The following RSU1 variants were observed in gnomAD, a reference collection of about 807,000 sequenced individuals.
RSU1 encodes Ras suppressor protein 1.
In RSU1, 26 loss-of-function variants were observed where a neutral mutation model predicts 31.1. The ratio of observed to expected loss-of-function variants is 0.84; its 90% confidence interval spans 0.61 to 1.16. RSU1 has a LOEUF of 1.16. Among genes scored for constraint, RSU1 ranks in the 50% most tolerant of loss-of-function variants. The pLI is 0.00. For synonymous variants in RSU1, 164 were observed against 136.3 expected, an observed-to-expected ratio of 1.20 and a Z score of -1.41; for missense variants, 320 against 339.1, an observed-to-expected ratio of 0.94 and a Z score of 0.44.
intron 4 of RSU1, among the ~76,000 whole-genome samples, chr10:16,756,657 A>G (rs1017360569): frequency 6.6e-6 from 1 of 152,236 alleles, no homozygotes; most frequent in Non-Finnish European, 1.5e-5. Flanking sequence ...TTCATCAACT[A>G]TTTCTAGTTT....
At chr10:16,708,881 C>A (rs999629299) in intron 7 of RSU1, among the ~76,000 whole-genome samples, 8 of 151,406 alleles carry the variant, frequency 5.3e-5, no homozygotes, top group African/African-American at 1.9e-4. Flanking sequence ...AGTTAATGAA[C>A]CAATATTAAT....
rs571602584 is a variant in RSU1 at position 16,604,312 on chromosome 10, A to G, written c.732-10816T>C. On this transcript the variant is annotated intron_variant, in intron 8 of 8. Coordinates refer to ENST00000345264, the MANE Select transcript of RSU1 (RefSeq NM_012425.4). ...ACCAGTGCGCCTCGACTATAAGCAG[A>G]CCAGGGATATCAGCAAAGCTGGAGA... 3.9e-5 allele frequency among the ~76,000 whole-genome samples: 6 copies of G among 152,332 alleles called. No individual in the cohort carries two copies. In the South Asian group the frequency reaches 1.2e-3, roughly 32 times the overall value.
intron 4 of RSU1, among the ~76,000 whole-genome samples, chr10:16,761,212 G>A (rs1837206710): frequency 6.6e-6 from 1 of 152,150 alleles, no homozygotes; most frequent in African/African-American, 2.4e-5. Flanking sequence ...CAAACTTCTG[G>A]AACTATAGCT....
intron 3 of RSU1, among the ~76,000 whole-genome samples, chr10:16,768,034 G>A (rs1837349770): frequency 6.6e-6 from 1 of 152,204 alleles, no homozygotes; most frequent in African/African-American, 2.4e-5. Context: ...GGATGCATGA[G>A]CAAGAAGCAT....
intron 8 of RSU1, among the ~76,000 whole-genome samples, chr10:16,692,303 G>C (rs1835574749): frequency 6.6e-6 from 1 of 152,106 alleles, no homozygotes; most frequent in Admixed American, 6.5e-5. Flanking sequence ...GTGATTAATT[G>C]CCTAATAATT....
chr10:16,632,242 T>C (rs1343392103), intron 8 of RSU1, among the ~76,000 whole-genome samples: 1 of 152,154 alleles, frequency 6.6e-6, no homozygotes, highest in African/African-American at 2.4e-5. Flanking sequence ...CAAACCCCTA[T>C]GAAGCAATAA....
At position 16,621,659 on chromosome 10, in the gene RSU1, G is replaced by A. The variant is rs140049112; in HGVS notation, c.732-28163C>T. Among the ~76,000 whole-genome samples the A allele has an allele frequency of 4.9e-4, 74 of 152,206 alleles. No homozygotes were observed. In the Middle Eastern group the frequency reaches 0.031, roughly 63 times the overall value. ...GGAGCAAAGGCACATCTTACATGGC[G>A]GCAGGCAAGAAAGCTTGTGCTGGGG... On this transcript the variant is annotated intron_variant, in intron 8 of 8. Coordinates refer to ENST00000345264, the MANE Select transcript of RSU1 (RefSeq NM_012425.4).
At chr10:16,800,491 A>C (rs527550027) in intron 2 of RSU1, among the ~76,000 whole-genome samples, 33 of 152,358 alleles carry the variant, frequency 2.2e-4, no homozygotes, top group African/African-American at 7.7e-4. Flanking sequence ...TCAAGGAAAG[A>C]ATCAGTGATC....
At chr10:16,786,253 G>T (rs1837789727) in intron 2 of RSU1, among the ~76,000 whole-genome samples, 1 of 152,200 alleles carries the variant, frequency 6.6e-6, no homozygotes, top group African/African-American at 2.4e-5. Context: ...TGGCTTTGCA[G>T]CTTGCTATTT....
intron 8 of RSU1, among the ~76,000 whole-genome samples, chr10:16,641,227 C>T (rs1834436348): frequency 6.6e-6 from 1 of 152,186 alleles, no homozygotes; most frequent in Non-Finnish European, 1.5e-5. Flanking sequence ...CTACAGTCCA[C>T]CAACTAATTG....
chr10:16,783,107 C>T (rs569983131), intron 2 of RSU1, among the ~76,000 whole-genome samples: 30 of 151,684 alleles, frequency 2.0e-4, no homozygotes, highest in East Asian at 1.4e-3. Flanking sequence ...ATGTGGTTCT[C>T]GTTATTTTGC....
intron 7 of RSU1, among the ~76,000 whole-genome samples, chr10:16,720,524 T>C (rs7084555): frequency 0.47 from 70,722 of 152,090 alleles, 17,211 homozygotes; most frequent in East Asian, 0.74. Flanking sequence ...TCTAATTTTA[T>C]AGTTAAACTC....
intron 7 of RSU1, among the ~76,000 whole-genome samples, chr10:16,703,856 G>A (rs1019639363): frequency 1.3e-5 from 2 of 152,342 alleles, no homozygotes; most frequent in Middle Eastern, 3.4e-3. Flanking sequence ...TTGGATGACA[G>A]ATCATAAATG....
chr10:16,809,404 C>G (rs1838352780), intron 2 of RSU1, among the ~76,000 whole-genome samples: 1 of 152,130 alleles, frequency 6.6e-6, no homozygotes, highest in South Asian at 2.1e-4. Flanking sequence ...AAAGACAGAA[C>G]CTGGCGAATG....
chr10:16,744,161 T>C (rs1211799842), intron 7 of RSU1, among the ~76,000 whole-genome samples: 1 of 151,468 alleles, frequency 6.6e-6, no homozygotes. Flanking sequence ...AAAGAAAAGA[T>C]TTCATATAAG....
intron 7 of RSU1, among the ~76,000 whole-genome samples, chr10:16,720,913 A>G (rs1001112253): frequency 6.6e-6 from 1 of 152,100 alleles, no homozygotes; most frequent in African/African-American, 2.4e-5. Flanking sequence ...CTGAGCCCTG[A>G]GAGTTTGAGG....
intron 2 of RSU1, among the ~76,000 whole-genome samples, chr10:16,789,557 T>C (rs930057586): frequency 6.6e-6 from 1 of 152,254 alleles, no homozygotes; most frequent in East Asian, 1.9e-4. Flanking sequence ...GAGTCTTGTA[T>C]GGAAACTGAG....
chr10:16,718,007 A>T (rs948841489), intron 7 of RSU1, among the ~76,000 whole-genome samples: 1 of 151,982 alleles, frequency 6.6e-6, no homozygotes, highest in Non-Finnish European at 1.5e-5. Flanking sequence ...AAAAAAAGAA[A>T]GTACTATGAT....
intron 3 of RSU1, among the ~76,000 whole-genome samples, chr10:16,773,787 G>A (rs1837472668): frequency 6.6e-6 from 1 of 152,170 alleles, no homozygotes; most frequent in Non-Finnish European, 1.5e-5. Flanking sequence ...GGTTCAGTTG[G>A]ATGAAAAGGA....
Sources: gnomAD v4.1 joint callset for allele counts (sites outside exome capture counted in the v4.1 genomes callset) on GRCh38, gnomAD v4.1.1 for gene constraint, MANE v1.5 for transcripts, NCBI Gene and HGNC (gene_info 2026-07-23, HGNC 2026-07-21) for gene names.